Variants in PDAP1 observed in about 807,000 individuals in gnomAD.
PDAP1 encodes 28 kDa heat- and acid-stable phosphoprotein.
In PDAP1, 13 loss-of-function variants were observed where a neutral mutation model predicts 28.0. The ratio of observed to expected loss-of-function variants is 0.46; its 90% CI spans 0.30 to 0.74. The LOEUF (loss-of-function observed/expected upper bound fraction) is 0.74. Among genes scored for constraint, PDAP1 ranks in the 30% least tolerant of loss-of-function variants. The probability of loss-of-function intolerance (pLI) is 0.07; values close to 1 mark genes in which losing one functional copy is unlikely to be tolerated. For synonymous variants in PDAP1, 77 were observed against 85.1 expected (o/e 0.91, Z 0.52); for missense variants, 150 against 230.0 (o/e 0.65, Z 2.25).
Position 99,394,791 on chromosome 7 carries a change from A to T in PDAP1, c.*1891T>A. The T allele has an allele frequency of 1.6e-6, 2 of 1,233,870 alleles. No homozygotes were observed. The allele number at this position is 1,233,870 out of a possible 1,614,324, so 76.4% of individuals were successfully genotyped here. A position where few individuals can be genotyped will look rare whatever the true frequency, so the allele number is the denominator to read the frequency against. ...AAATGCAACTGTGTAAAAAAAAAAA[A>T]AAAAAAAAAAGTAATTATGGACATG... On this transcript the variant is annotated 3_prime_UTR_variant, in exon 6 of 6. Coordinates refer to ENST00000350498, the MANE Select transcript of PDAP1 (RefSeq NM_014891.7).
intron 4 of PDAP1, 47 bp downstream of exon 4, chr7:99,400,256 T>C (rs1562823135): frequency 6.2e-7 from 1 of 1,606,584 alleles, no homozygotes; most frequent in Admixed American, 1.7e-5. Flanking sequence ...ACAGGCCAAC[T>C]GCTGGCCTGT....
intron 4 of PDAP1, among the ~76,000 whole-genome samples, chr7:99,398,685 CAG>C (rs1338903345): frequency 1.3e-5 from 2 of 152,126 alleles, no homozygotes; most frequent in African/African-American, 4.8e-5. Context: ...GCCTGGGTGA[CAG>C]AGTGAAATCC....
intron 4 of PDAP1, 88 bp from the exon 5 acceptor site, chr7:99,398,101 G>A (rs75944999): frequency 0.04 from 59,355 of 1,492,930 alleles, 1,363 homozygotes; most frequent in Admixed American, 0.067. Flanking sequence ...CCAAGGATTC[G>A]GCCTAGGGCC....
At chr7:99,404,220 T>C (rs1217972871) in intron 2 of PDAP1, among the ~76,000 whole-genome samples, 1 of 152,170 alleles carries the variant, frequency 6.6e-6, no homozygotes, top group Non-Finnish European at 1.5e-5. Context: ...CACAGCTGTG[T>C]ACCCATCTGG....
At chr7:99,401,755 G>A (rs931862632) in intron 3 of PDAP1, among the ~76,000 whole-genome samples, 10 of 149,436 alleles carry the variant, frequency 6.7e-5, no homozygotes, top group Admixed American at 4.0e-4. Context: ...CTGGAGTGCA[G>A]TGGCATAGTC....
At chr7:99,406,947 A>C (rs1163413407) in intron 1 of PDAP1, among the ~76,000 whole-genome samples, 1 of 152,184 alleles carries the variant, frequency 6.6e-6, no homozygotes, top group Non-Finnish European at 1.5e-5. Flanking sequence ...CAAGAAAAAA[A>C]CCAACACCCT....
chr7:99,394,932 G>T lies in PDAP1; in HGVS notation c.*1750C>A. 1 of 709,694 alleles carries T rather than the reference G, an allele frequency of 1.4e-6. No homozygotes were observed. The highest frequency in any genetic ancestry group is 4.1e-5 in the East Asian group (1 of 24,190). 44.0% of individuals were successfully genotyped at this position (709,694 alleles called of 1,614,324 possible). ...TCTGCCTCAGCCTCCCAAGTAGCTG[G>T]GACTCCAGGGAGAGATTGGTGTTTG... On this transcript the variant is annotated 3_prime_UTR_variant, in exon 6 of 6. Transcript: ENST00000350498.
In PDAP1 at chr7:99,394,737, A is replaced by G. The variant is rs1794710149; in HGVS notation, c.*1945T>C. ...ATGCCCCCAAAGCACTATGCTGGTC[A>G]TGAACTGCTTCAAAATGTGGAGGTA... On this transcript the variant is annotated 3_prime_UTR_variant, in exon 6 of 6. Transcript: ENST00000350498. The G allele has an allele frequency of 8.1e-7, 1 of 1,235,670 alleles. No homozygotes were observed. Among genetic ancestry groups the G allele is most frequent in the Non-Finnish European group, 1.0e-6 (1 of 992,972 alleles). The allele number at this position is 1,235,670 out of a possible 1,614,324, so 76.5% of individuals were successfully genotyped here.
At chr7:99,397,710 A>G (rs1584418010) in intron 5 of PDAP1, 152 bp downstream of exon 5, 1 of 831,538 alleles carries the variant, frequency 1.2e-6, no homozygotes, top group Admixed American at 2.7e-5. Flanking sequence ...TGGCAGGCAC[A>G]GGGAGGGTGG....
At chr7:99,406,327 T>A (rs1364725498) in intron 1 of PDAP1, among the ~76,000 whole-genome samples, 2 of 151,972 alleles carry the variant, frequency 1.3e-5, no homozygotes, top group Non-Finnish European at 2.9e-5. Context: ...AAAGCACCAC[T>A]GAGCACATAA....
intron 1 of PDAP1, 148 bp downstream of exon 1, chr7:99,408,388 G>T: frequency 3.3e-6 from 2 of 605,064 alleles, no homozygotes; most frequent in Non-Finnish European, 4.9e-6. Flanking sequence ...CGGGACAATT[G>T]GGCGTCGAGG....
intron 3 of PDAP1, among the ~76,000 whole-genome samples, chr7:99,402,345 G>A (rs1328158099): frequency 6.6e-6 from 1 of 151,606 alleles, no homozygotes; most frequent in African/African-American, 2.4e-5. Flanking sequence ...GGCTCATGCT[G>A]CTGCAATCTC....
At chr7:99,404,736 C>T in intron 2 of PDAP1, 126 bp downstream of exon 2, 1 of 657,470 alleles carries the variant, frequency 1.5e-6, no homozygotes, top group Non-Finnish European at 2.6e-6. Context: ...GGGCTCACTG[C>T]CCGCCCGACC....
At chr7:99,403,958 A>AT (rs1467519906) in intron 2 of PDAP1, among the ~76,000 whole-genome samples, 1 of 152,122 alleles carries the variant, frequency 6.6e-6, no homozygotes, top group Non-Finnish European at 1.5e-5. Context: ...ATGGCAAGTC[A>AT]TCCCCCCGAC....
At chr7:99,404,603 C>A (rs1794936010) in intron 2 of PDAP1, among the ~76,000 whole-genome samples, 1 of 152,234 alleles carries the variant, frequency 6.6e-6, no homozygotes, top group East Asian at 1.9e-4. Flanking sequence ...AGTAGGTGCA[C>A]AAGACCAAGA....
At chr7:99,399,434 G>C (rs965376805) in intron 4 of PDAP1, among the ~76,000 whole-genome samples, 1 of 143,928 alleles carries the variant, frequency 6.9e-6, no homozygotes, top group Admixed American at 7.2e-5. Context: ...GGAGCAACAG[G>C]ATCCCTTTTA....
rs113663373 is a variant in PDAP1, at chr7:99,396,503, T to TCCCCCCCCC, written c.*170_*178dup. On this transcript the variant is annotated 3_prime_UTR_variant, in exon 6 of 6. Coordinates refer to ENST00000350498, the MANE Select transcript of PDAP1 (RefSeq NM_014891.7). ...AAGATAGCAGCTACCCCTCCCCCAGTCCCCCCCCCCATCCCCCAAACAATT... is the reference window on the plus strand; with the variant it reads ...AAGATAGCAGCTACCCCTCCCCCAGTCCCCCCCCCCCCCCCCCCCATCCCCCAAACAATT... 6.7e-5 allele frequency: 22 copies of TCCCCCCCCC among 330,674 alleles called. No homozygotes were observed. Among genetic ancestry groups the TCCCCCCCCC allele is most frequent in the Admixed American group, 1.1e-4 (3 of 26,658 alleles). The allele number at this position is 330,674 out of a possible 1,614,324, so 20.5% of individuals were successfully genotyped here.
chr7:99,404,817 C>A, intron 2 of PDAP1, 45 bp downstream of exon 2: 3 of 1,512,800 alleles, frequency 2.0e-6, no homozygotes, highest in Non-Finnish European at 1.8e-6. Context: ...ATTGGCAAAG[C>A]GCCACCCTGG....
intron 3 of PDAP1, among the ~76,000 whole-genome samples, chr7:99,403,047 A>T (rs1240828871): frequency 6.6e-6 from 1 of 152,162 alleles, no homozygotes; most frequent in Non-Finnish European, 1.5e-5. Context: ...TGCCAAGCTT[A>T]TTCCCACCAC....
Sources: gnomAD v4.1 joint callset for allele counts (sites outside exome capture counted in the v4.1 genomes callset) on GRCh38, gnomAD v4.1.1 for gene constraint, MANE v1.5 for transcripts, NCBI Gene and HGNC (gene_info 2026-07-23, HGNC 2026-07-21) for gene names.